The following SLC25A24 variants were observed in gnomAD, a reference collection of about 807,000 sequenced individuals.
The protein encoded by SLC25A24 is solute carrier family 25 member 24, also known as mitochondrial adenyl nucleotide antiporter SLC25A24.
A neutral mutation model predicts 60.7 loss-of-function variants in SLC25A24; 49 were observed. The observed-to-expected ratio is 0.81, with a 90% CI of 0.64 to 1.02. The LOEUF is 1.02. Among genes scored for constraint, SLC25A24 ranks in the 50% least tolerant of loss-of-function variants. The pLI, the probability that SLC25A24 is intolerant of heterozygous loss-of-function variation, is 0.00. For missense variants in SLC25A24, 564 were observed against 586.3 expected, an observed-to-expected ratio of 0.96 and a Z score of 0.39; for synonymous variants, 202 against 200.6, an observed-to-expected ratio of 1.01 and a Z score of -0.06.
At chr1:108,155,221 C>A in intron 5 of SLC25A24, 86 bp from the exon 6 acceptor site, 4 of 1,164,726 alleles carry the variant, frequency 3.4e-6, no homozygotes, top group Non-Finnish European at 3.6e-6. Context: ...TTTTTCAATA[C>A]CCTTTCTAAC....
chr1:108,140,817 TA>T (rs1679424669), intron 8 of SLC25A24, among the ~76,000 whole-genome samples: 1 of 16,848 alleles, frequency 5.9e-5, no homozygotes, highest in Non-Finnish European at 1.8e-4. Context: ...AACATATCAC[TA>T]CAAAAAAAAA....
chr1:108,185,145 G>C (rs1262955075), intron 2 of SLC25A24, among the ~76,000 whole-genome samples: 1 of 152,136 alleles, frequency 6.6e-6, no homozygotes, highest in Non-Finnish European at 1.5e-5. Context: ...GCCCTCACCA[G>C]ATTCGGCTCA....
intron 3 of SLC25A24, among the ~76,000 whole-genome samples, chr1:108,179,415 T>C (rs772913295): frequency 2.0e-5 from 3 of 152,230 alleles, no homozygotes; most frequent in East Asian, 1.9e-4. Context: ...CATATATATA[T>C]ACACATATAT....
intron 6 of SLC25A24, among the ~76,000 whole-genome samples, chr1:108,148,985 A>G (rs1465617923): frequency 6.6e-6 from 1 of 152,192 alleles, no homozygotes; most frequent in African/African-American, 2.4e-5. Flanking sequence ...TGTCTCCCAG[A>G]TTGGACCAAG....
chr1:108,197,349 G>A (rs556374383), intron 1 of SLC25A24, among the ~76,000 whole-genome samples: 16 of 152,150 alleles, frequency 1.1e-4, no homozygotes, highest in South Asian at 8.3e-4. Flanking sequence ...TTGGAAACAC[G>A]GAGATGAGAT....
chr1:108,148,440 AC>A, intron 6 of SLC25A24, 54 bp from the exon 7 acceptor site: 1 of 963,808 alleles, frequency 1.0e-6, no homozygotes, highest in Non-Finnish European at 1.7e-6. Context: ...ACTGAGCTGC[AC>A]CCCCACCAAA....
In SLC25A24 at chr1:108,180,616, A is replaced by ATCCCTCTCTCTCTCTCTC. The variant is rs532485349; in HGVS notation, c.398+1324_398+1325insGAGAGAGAGAGAGAGGGA. Among the ~76,000 whole-genome samples, 58 of 61,800 alleles carry ATCCCTCTCTCTCTCTCTC rather than the reference A, an allele frequency of 9.4e-4. 7 individuals are homozygous for ATCCCTCTCTCTCTCTCTC. Among genetic ancestry groups the ATCCCTCTCTCTCTCTCTC allele is most frequent in the African/African-American group, 3.8e-3 (55 of 14,530 alleles). 40.5% of individuals were successfully genotyped at this position (61,800 alleles called of 152,430 possible). A position where few individuals can be genotyped will look rare whatever the true frequency, so the allele number is the denominator to read the frequency against. ...CCTTATAATAGAAAGCAAGAGAAAG[A>ATCCCTCTCTCTCTCTCTC]TCTCTCTCTCTCTCTCTCTCTCTCT... On this transcript the variant is annotated intron_variant, in intron 3 of 9. Coordinates refer to ENST00000565488, the MANE Select transcript of SLC25A24 (RefSeq NM_013386.5).
chr1:108,165,902 A>G (rs967197040), intron 3 of SLC25A24, among the ~76,000 whole-genome samples: 5 of 152,088 alleles, frequency 3.3e-5, no homozygotes, highest in Non-Finnish European at 7.3e-5. Flanking sequence ...CGGTCTTTAC[A>G]TTTTGGCATG....
At chr1:108,137,300 G>T (rs1679317858) in intron 9 of SLC25A24, among the ~76,000 whole-genome samples, 1 of 152,130 alleles carries the variant, frequency 6.6e-6, no homozygotes, top group Non-Finnish European at 1.5e-5. Flanking sequence ...AGAGAGAACA[G>T]TTAAATCTCA....
At chr1:108,139,026 T>C in intron 9 of SLC25A24, 32 bp downstream of exon 9, 1 of 1,515,236 alleles carries the variant, frequency 6.6e-7, no homozygotes, top group Non-Finnish European at 8.8e-7. Flanking sequence ...TGCAGCACTT[T>C]TATCGGTGTG....
intron 7 of SLC25A24, among the ~76,000 whole-genome samples, chr1:108,146,734 G>A (rs1434511297): frequency 2.0e-5 from 3 of 152,184 alleles, no homozygotes; most frequent in Admixed American, 1.3e-4. Flanking sequence ...ATTTGCATAT[G>A]TTGAACAGCC....
chr1:108,139,944 C>T (rs1004539330), intron 8 of SLC25A24, among the ~76,000 whole-genome samples: 1 of 152,006 alleles, frequency 6.6e-6, no homozygotes, highest in Non-Finnish European at 1.5e-5. Flanking sequence ...CAGAACCAGG[C>T]GTGCTGATCA....
At chr1:108,142,416 A>G (rs1027459877) in intron 8 of SLC25A24, among the ~76,000 whole-genome samples, 3 of 152,280 alleles carry the variant, frequency 2.0e-5, no homozygotes, top group Non-Finnish European at 2.9e-5. Flanking sequence ...GTATATACAC[A>G]TAACGGAATA....
intron 3 of SLC25A24, among the ~76,000 whole-genome samples, chr1:108,163,930 G>C (rs1423445626): frequency 6.6e-6 from 1 of 152,188 alleles, no homozygotes; most frequent in African/African-American, 2.4e-5. Context: ...CTGTGGGTTT[G>C]TCATAGATAG....
At chr1:108,153,499 C>A (rs1165168788) in intron 6 of SLC25A24, among the ~76,000 whole-genome samples, 1 of 152,108 alleles carries the variant, frequency 6.6e-6, no homozygotes, top group Non-Finnish European at 1.5e-5. Flanking sequence ...TCGAGGGAGG[C>A]TGGACAGGGG....
At chr1:108,187,659 G>GCACTGTATACATTTCAGTC (rs1648179002) in intron 1 of SLC25A24, among the ~76,000 whole-genome samples, 1 of 151,794 alleles carries the variant, frequency 6.6e-6, no homozygotes, top group African/African-American at 2.4e-5. Flanking sequence ...ACATTTCCAT[G>GCACTGTATACATTTCAGTC]AAGAAAAATC....
intron 1 of SLC25A24, among the ~76,000 whole-genome samples, chr1:108,188,127 T>C (rs140422898): frequency 2.0e-5 from 3 of 151,578 alleles, no homozygotes; most frequent in African/African-American, 7.3e-5. Flanking sequence ...AACGCAGAAA[T>C]AGAAAACCAA....
At chr1:108,140,605 G>A (rs1290579556) in intron 8 of SLC25A24, among the ~76,000 whole-genome samples, 1 of 151,980 alleles carries the variant, frequency 6.6e-6, no homozygotes, top group East Asian at 1.9e-4. Context: ...CTATGTTAAG[G>A]ATATACAATA....
chr1:108,160,734 G>A (rs1028677735), intron 4 of SLC25A24, among the ~76,000 whole-genome samples: 13 of 152,350 alleles, frequency 8.5e-5, no homozygotes, highest in Admixed American at 1.3e-4. Flanking sequence ...GATCACTCGC[G>A]GTCAGGAGCT....
Sources: gnomAD v4.1 joint callset for allele counts (sites outside exome capture counted in the v4.1 genomes callset) on GRCh38, gnomAD v4.1.1 for gene constraint, MANE v1.5 for transcripts, NCBI Gene and HGNC (gene_info 2026-07-23, HGNC 2026-07-21) for gene names.